The following AXIN2 variants were observed in gnomAD, a reference collection of about 807,000 sequenced individuals.
AXIN2 encodes the protein axin 2, also known as axin-2.
In AXIN2, 21 loss-of-function variants were observed where a neutral mutation model predicts 74.7. The ratio of observed to expected loss-of-function variants is 0.28; its 90% CI spans 0.20 to 0.40. AXIN2 has a LOEUF of 0.40. AXIN2 is among the 10% of genes least tolerant of loss of function. The probability of loss-of-function intolerance (pLI) is 1.00; values close to 1 mark genes in which losing one functional copy is unlikely to be tolerated. For synonymous variants in AXIN2, 532 were observed against 454.9 expected (o/e 1.17, Z -2.16); for missense variants, 1,144 against 1,111.1 (o/e 1.03, Z -0.42).
At chr17:65,537,876 C>A in intron 5 of AXIN2, 41 bp from the exon 6 acceptor site, 1 of 1,504,920 alleles carries the variant, frequency 6.6e-7, no homozygotes, top group Non-Finnish European at 8.9e-7. Flanking sequence ...ACCCAGGAAG[C>A]AGAAGGGCCA....
chr17:65,537,302 C>T (rs2043943885), intron 6 of AXIN2, 22 bp downstream of exon 6: 3 of 1,613,532 alleles, frequency 1.9e-6, no homozygotes, highest in Admixed American at 1.7e-5. Context: ...ACACGGGACA[C>T]TGCGGTCCGC....
intron 4 of AXIN2, among the ~76,000 whole-genome samples, chr17:65,539,938 A>G (rs1483596340): frequency 6.6e-6 from 1 of 152,216 alleles, no homozygotes; most frequent in Non-Finnish European, 1.5e-5. Flanking sequence ...TTTAGCAAGC[A>G]TGGAAATAAA....
intron 2 of AXIN2, among the ~76,000 whole-genome samples, chr17:65,550,935 G>C (rs1348309041): frequency 6.6e-6 from 1 of 152,124 alleles, no homozygotes; most frequent in East Asian, 1.9e-4. Flanking sequence ...AAGGAGCACT[G>C]GACTGTGCCC....
rs2144589806 is a variant in AXIN2, at chr17:65,558,423, C to T, written c.198G>A (p.Glu66=). Residue 66 remains glutamate, a synonymous_variant, in exon 2 of 11, where the codon GAG becomes GAA. Transcript: ENST00000307078. ...RRNEDGLGEP[E]GRASPDSPLT... ...GAGGGGAATCCGGAGATGCCCGCCCCTCCGGCTCCCCCAACCCATCTTCGT... is the reference window on the plus strand; with the variant it reads ...GAGGGGAATCCGGAGATGCCCGCCCTTCCGGCTCCCCCAACCCATCTTCGT... 1 of 1,600,418 alleles carries T rather than the reference C, an allele frequency of 6.2e-7. No homozygotes were observed. The highest frequency in any genetic ancestry group is 8.5e-7 in the Non-Finnish European group (1 of 1,171,436).
In AXIN2 at chr17:65,537,300, C is replaced by A. The variant is rs753590502; in HGVS notation, c.1712+24G>T. On this transcript the variant is annotated intron_variant, in intron 6 of 10. Coordinates refer to ENST00000307078, the MANE Select transcript of AXIN2 (RefSeq NM_004655.4). ...GCTGGGAGACAAGCCCCACACGGGA[C>A]ACTGCGGTCCGCCCGGCACTTACCC... The A allele has an allele frequency of 1.2e-5, 19 of 1,613,398 alleles. No individual in the cohort carries two copies. Among genetic ancestry groups the A allele is most frequent in the Non-Finnish European group, 1.4e-5 (17 of 1,180,002 alleles).
chr17:65,537,373 A>T lies in AXIN2; in HGVS notation c.1663T>A (p.Cys555Ser), dbSNP rs1481627494. The T allele has an allele frequency of 6.2e-7, 1 of 1,614,000 alleles. No individual in the cohort carries two copies. The highest frequency in any genetic ancestry group is 8.5e-7 in the Non-Finnish European group (1 of 1,180,012). Residue 555 changes from cysteine (C) to serine (S), a missense_variant, in exon 6 of 11, where the codon TGC becomes AGC. Physicochemically the swap from Cys to Ser is moderately radical, Grantham distance 112. Coordinates refer to ENST00000307078, the MANE Select transcript of AXIN2 (RefSeq NM_004655.4). ...TCCGGAGCCTTGGAGTGGCTTTTGCATTTCGAGTAGCAGTAATACTCGCTG... is the reference window on the plus strand; with the variant it reads ...TCCGGAGCCTTGGAGTGGCTTTTGCTTTTCGAGTAGCAGTAATACTCGCTG... The part of the protein sequence containing the change: ...GGSEYYCYSK[C>S]KSHSKAPETM...
rs375289503 is a variant in AXIN2, at chr17:65,541,588, G to T, written c.957-31C>A. The T allele has an allele frequency of 2.6e-5, 41 of 1,579,214 alleles. No individual in the cohort carries two copies. The highest frequency in any genetic ancestry group is 3.3e-5 in the Admixed American group (2 of 59,960). ...GGAAAGGAAAAGACAGAATCCACAG[G>T]CTTACGAGGATGTTTTCAGCACATC... On this transcript the variant is annotated intron_variant, in intron 3 of 10. Transcript: ENST00000307078.
chr17:65,535,501 A>T, intron 9 of AXIN2, 125 bp downstream of exon 9: 1 of 841,752 alleles, frequency 1.2e-6, no homozygotes, highest in Non-Finnish European at 2.0e-6. Flanking sequence ...CCTCATCACT[A>T]GCGCTAAAAT....
chr17:65,545,882 A>C (rs924218757), intron 3 of AXIN2, among the ~76,000 whole-genome samples: 2 of 152,052 alleles, frequency 1.3e-5, no homozygotes, highest in Non-Finnish European at 2.9e-5. Context: ...ATAACCAACC[A>C]AGTGCAGGCC....
intron 5 of AXIN2, 183 bp from the exon 6 acceptor site, chr17:65,538,018 C>T: frequency 7.5e-7 from 1 of 1,329,118 alleles, no homozygotes; most frequent in East Asian, 2.5e-5. Context: ...ATATGCACAC[C>T]CACACGCAAC....
Position 65,530,109 on chromosome 17 carries a change from A to T in AXIN2, c.2406-7T>A, listed in dbSNP as rs1598090074. On this transcript the variant is annotated splice_region_variant and splice_polypyrimidine_tract_variant and intron_variant, in intron 10 of 10. Coordinates refer to ENST00000307078, the MANE Select transcript of AXIN2 (RefSeq NM_004655.4). ...TGCTTTTTTGAAGTAATACCTTAAA[A>T]GGAAAACCAAAAAAGCTTCTTGGTA... 6.2e-7 allele frequency: 1 copy of T among 1,614,082 alleles called. No homozygotes were observed. Among genetic ancestry groups the T allele is most frequent in the Admixed American group, 1.7e-5 (1 of 60,034 alleles).
chr17:65,536,673 T>A, intron 7 of AXIN2, 120 bp from the exon 8 acceptor site: 1 of 1,362,734 alleles, frequency 7.3e-7, no homozygotes, highest in Non-Finnish European at 1.0e-6. Flanking sequence ...AAAAAAAAAC[T>A]ACCATAACAT....
At chr17:65,539,330 C>T (rs2044005569) in intron 4 of AXIN2, among the ~76,000 whole-genome samples, 1 of 152,176 alleles carries the variant, frequency 6.6e-6, no homozygotes, top group Non-Finnish European at 1.5e-5. Context: ...GGCCTTGCCA[C>T]GGCAACCACT....
intron 3 of AXIN2, among the ~76,000 whole-genome samples, chr17:65,547,529 C>A (rs1176008509): frequency 6.6e-6 from 1 of 152,184 alleles, no homozygotes; most frequent in Non-Finnish European, 1.5e-5. Context: ...AAGTATGGGA[C>A]TACACCCAAG....
intron 2 of AXIN2, among the ~76,000 whole-genome samples, chr17:65,557,218 G>A (rs769454170): frequency 5.3e-5 from 8 of 152,280 alleles, no homozygotes; most frequent in Admixed American, 1.3e-4. Flanking sequence ...GAAAGTCACA[G>A]GACCTTCCCT....
chr17:65,535,882 G>A (rs1030324712), intron 8 of AXIN2, among the ~76,000 whole-genome samples, 161 bp from the exon 9 acceptor site: 2 of 152,190 alleles, frequency 1.3e-5, no homozygotes, highest in African/African-American at 4.8e-5. Context: ...AGTGGCTGAA[G>A]AGGCCAGGAA....
At chr17:65,546,105 C>T (rs987014140) in intron 3 of AXIN2, among the ~76,000 whole-genome samples, 3 of 151,220 alleles carry the variant, frequency 2.0e-5, no homozygotes, top group Non-Finnish European at 4.4e-5. Context: ...GCCAGCCCCC[C>T]TCCCCAGCCC....
In AXIN2 at chr17:65,536,715, T is replaced by C. The variant is rs528081867; in HGVS notation, c.1907+154A>G. The stretch of plus-strand genomic sequence containing the variant: ...GGGTCAGTGCCAAAACATGACATTT[T>C]TGTGGTCTGCTCAGTCCAACGTTTA... On this transcript the variant is annotated intron_variant, in intron 7 of 10. Transcript: ENST00000307078. The C allele has an allele frequency of 8.8e-5, 123 of 1,403,274 alleles. No homozygotes were observed. The East Asian group carries it at 2.6e-3, about 30-fold the overall frequency. 86.9% of individuals were successfully genotyped at this position (1,403,274 alleles called of 1,614,324 possible). A position where few individuals can be genotyped will look rare whatever the true frequency, so the allele number is the denominator to read the frequency against.
chr17:65,541,350 C>CTTT, intron 4 of AXIN2, 105 bp downstream of exon 4: 1 of 1,075,214 alleles, frequency 9.3e-7, no homozygotes, highest in Non-Finnish European at 1.4e-6. Context: ...AGGTACTGCT[C>CTTT]TTTTCTACCT....
Sources: allele counts gnomAD v4.1 joint callset (sites outside exome capture counted in the v4.1 genomes callset), GRCh38; gene constraint gnomAD v4.1.1; transcripts MANE v1.5; gene names NCBI Gene and HGNC (gene_info 2026-07-23, HGNC 2026-07-21).